The following RTL4 variants were observed in gnomAD, a reference collection of about 807,000 sequenced individuals.
RTL4 encodes the protein retrotransposon Gag-like protein 4.
Under a neutral mutation model 5.3 loss-of-function variants are expected in RTL4, and 4 were observed. The observed-to-expected ratio is 0.75, with a 90% CI of 0.37 to 1.72. The LOEUF is 1.72. RTL4 is among the 40% of genes most tolerant of loss of function. The pLI is 0.04. For missense variants in RTL4, 260 were observed against 227.1 expected (o/e 1.14, Z -0.93); for synonymous variants, 98 against 87.3 (o/e 1.12, Z -0.68).
At chrX:112,313,791 G>A in the RTL4 span, among the ~76,000 whole-genome samples, 1 of 109,996 alleles carries the variant, frequency 9.1e-6, no homozygotes, top group Admixed American at 9.9e-5. Flanking sequence ...GATTATTAAG[G>A]TATATAAGAA....
chrX:112,155,871 G>A, the RTL4 span, among the ~76,000 whole-genome samples: 1 of 111,153 alleles, frequency 9.0e-6, no homozygotes, highest in Non-Finnish European at 1.9e-5. Context: ...TATACCCTAG[G>A]TATTACTAAT....
At chrX:112,294,314 A>C in the RTL4 span, among the ~76,000 whole-genome samples, 28,524 of 110,461 alleles carry the variant, frequency 0.26, 3,146 homozygotes, top group African/African-American at 0.39. Flanking sequence ...ATATCAACCA[A>C]GGCCAGGCGC....
the RTL4 span, among the ~76,000 whole-genome samples, chrX:112,093,780 C>T: frequency 4.8e-3 from 542 of 111,887 alleles, 2 homozygotes; most frequent in Non-Finnish European, 7.8e-3. Flanking sequence ...AAAAGTTAGC[C>T]AGGTAGAGAG....
the RTL4 span, among the ~76,000 whole-genome samples, chrX:112,090,392 T>C: frequency 1.8e-5 from 2 of 111,308 alleles, no homozygotes; most frequent in African/African-American, 6.5e-5. Context: ...TTAATAAACA[T>C]CCTTTATCAG....
chrX:112,263,362 A>C, the RTL4 span, among the ~76,000 whole-genome samples: 1 of 110,672 alleles, frequency 9.0e-6, no homozygotes, highest in African/African-American at 3.3e-5. Flanking sequence ...GATCTGGATG[A>C]ATGGCCAGAA....
At chrX:112,260,569 G>A in the RTL4 span, among the ~76,000 whole-genome samples, 1 of 111,661 alleles carries the variant, frequency 9.0e-6, no homozygotes, top group African/African-American at 3.3e-5. Context: ...TTTCTTTAAA[G>A]CCAAACTTGA....
chrX:112,439,007 A>ATTGGTT, the RTL4 span, among the ~76,000 whole-genome samples: 3 of 111,863 alleles, frequency 2.7e-5, no homozygotes, highest in African/African-American at 9.7e-5. Flanking sequence ...CTCTGGGGGA[A>ATTGGTT]ACCAATGTCT....
chrX:112,415,474 T>A, the RTL4 span, among the ~76,000 whole-genome samples: 1 of 111,524 alleles, frequency 9.0e-6, no homozygotes, highest in African/African-American at 3.2e-5. Flanking sequence ...TATATGACAT[T>A]TTTTTTACAA....
the RTL4 span, among the ~76,000 whole-genome samples, chrX:112,330,780 A>C: frequency 9.0e-6 from 1 of 111,551 alleles, no homozygotes; most frequent in African/African-American, 3.3e-5. Context: ...CAGTAACCAA[A>C]ACAGCATGGT....
At chrX:112,416,238 A>G in the RTL4 span, among the ~76,000 whole-genome samples, 5,647 of 111,519 alleles carry the variant, frequency 0.051, 133 homozygotes, top group African/African-American at 0.08. Context: ...CTACTCCAGT[A>G]TGATCTCATC....
the RTL4 span, among the ~76,000 whole-genome samples, chrX:112,106,409 A>G: frequency 3.6e-5 from 4 of 111,859 alleles, no homozygotes; most frequent in Non-Finnish European, 7.5e-5. Flanking sequence ...CTTGAGAGGG[A>G]TAGGTATTAA....
the RTL4 span, among the ~76,000 whole-genome samples, chrX:112,131,751 TAAGTA>T: frequency 4.6e-5 from 5 of 109,309 alleles, no homozygotes; most frequent in Admixed American, 3.9e-4. Flanking sequence ...GAAAGAGGGG[TAAGTA>T]AAGAGAGAAG....
chrX:112,321,547 AAAAG>A, the RTL4 span, among the ~76,000 whole-genome samples: 206 of 108,070 alleles, frequency 1.9e-3, 1 homozygote, highest in Non-Finnish European at 3.5e-3. Flanking sequence ...AAAAAAAAAA[AAAAG>A]AAAGAAAAAG....
the RTL4 span, among the ~76,000 whole-genome samples, chrX:112,144,110 A>G: frequency 9.0e-6 from 1 of 111,146 alleles, no homozygotes; most frequent in Non-Finnish European, 1.9e-5. Flanking sequence ...CTAACCTTGG[A>G]TTTAACCTTA....
At chrX:112,396,463 G>A in the RTL4 span, among the ~76,000 whole-genome samples, 1 of 111,184 alleles carries the variant, frequency 9.0e-6, no homozygotes, top group Non-Finnish European at 1.9e-5. Context: ...GTAGATAGTT[G>A]TTAAATTTGG....
the RTL4 span, among the ~76,000 whole-genome samples, chrX:112,207,128 C>A: frequency 8.9e-6 from 1 of 111,841 alleles, no homozygotes; most frequent in African/African-American, 3.3e-5. Flanking sequence ...CAATTCCTCT[C>A]TTGCCCTCTT....
the RTL4 span, among the ~76,000 whole-genome samples, chrX:112,173,677 G>A: frequency 3.3e-4 from 36 of 110,216 alleles, no homozygotes; most frequent in Non-Finnish European, 4.7e-4. Flanking sequence ...TCTCCAGAGG[G>A]CATAGTAGCC....
the RTL4 span, among the ~76,000 whole-genome samples, chrX:112,149,396 T>A: frequency 2.7e-5 from 3 of 111,631 alleles, no homozygotes; most frequent in Admixed American, 2.9e-4. Flanking sequence ...GTATCTTAAG[T>A]GACAAAGTTA....
the RTL4 span, among the ~76,000 whole-genome samples, chrX:112,191,295 G>A: frequency 1.8e-5 from 2 of 111,687 alleles, no homozygotes. Context: ...ATTCCCATTA[G>A]AAGACATACA....
Sources: gnomAD v4.1 joint callset for allele counts (sites outside exome capture counted in the v4.1 genomes callset) on GRCh38, gnomAD v4.1.1 for gene constraint, MANE v1.5 for transcripts, NCBI Gene and HGNC (gene_info 2026-07-23, HGNC 2026-07-21) for gene names.